ASAH2: variants seen among roughly 807,000 people sequenced by gnomAD.
The protein encoded by ASAH2 is N-acylsphingosine amidohydrolase 2.
A neutral mutation model predicts 82.9 loss-of-function variants in ASAH2; 58 were observed. The observed-to-expected ratio is 0.70, with a 90% CI of 0.57 to 0.87. The LOEUF is 0.87. Among genes scored for constraint, ASAH2 ranks in the 40% least tolerant of loss-of-function variants. ASAH2 has a pLI of 0.00. For synonymous variants in ASAH2, 276 were observed against 289.7 expected (o/e 0.95, Z 0.48); for missense variants, 779 against 834.0 (o/e 0.93, Z 0.81).
intron 3 of ASAH2, 109 bp downstream of exon 3, chr10:50,245,113 G>T (rs1745170967): frequency 3.0e-6 from 3 of 1,006,878 alleles, no homozygotes; most frequent in Non-Finnish European, 4.5e-6. Context: ...CAATTAAAAA[G>T]CTAAAAGAAG....
At position 50,247,086 on chromosome 10, in the gene ASAH2, TTAA is replaced by T. The variant is rs371784084; in HGVS notation, c.127+1395_127+1397del. Among the ~76,000 whole-genome samples, 48 of 152,338 alleles carry T rather than the reference TTAA, an allele frequency of 3.2e-4. 2 individuals are homozygous for T. The highest frequency in any genetic ancestry group is 1.1e-3 in the African/African-American group (47 of 41,580). ...ACTGCCATAAGAATAGTTGCTGTAA[TTAA>T]TAATAACCTCCCTGAGTCTCAGCCT... On this transcript the variant is annotated intron_variant, in intron 2 of 20. Coordinates refer to ENST00000682911, the MANE Select transcript of ASAH2 (RefSeq NM_019893.4).
intron 1 of ASAH2, among the ~76,000 whole-genome samples, chr10:50,249,443 G>A (rs1284443964): frequency 6.6e-6 from 1 of 152,140 alleles, no homozygotes; most frequent in East Asian, 1.9e-4. Flanking sequence ...CCCATATAAT[G>A]TAATAGAAAG....
chr10:50,217,613 A>T (rs1845640092), intron 8 of ASAH2, among the ~76,000 whole-genome samples: 2 of 152,324 alleles, frequency 1.3e-5, no homozygotes, highest in South Asian at 4.1e-4. Context: ...GGCCCTCACC[A>T]GATGGAGTTG....
At chr10:50,214,905 C>T (rs1349037560) in intron 8 of ASAH2, 37 bp from the exon 9 acceptor site, 3 of 1,611,390 alleles carry the variant, frequency 1.9e-6, no homozygotes, top group Non-Finnish European at 2.5e-6. Flanking sequence ...TTTATTCTTT[C>T]CTATTTCCTG....
At chr10:50,224,744 C>T (rs1028516830) in intron 7 of ASAH2, among the ~76,000 whole-genome samples, 2 of 152,138 alleles carry the variant, frequency 1.3e-5, no homozygotes, top group African/African-American at 4.8e-5. Flanking sequence ...TAATTACCTT[C>T]ACACCCTCGT....
intron 7 of ASAH2, among the ~76,000 whole-genome samples, chr10:50,221,670 TAGATGATA>T (rs1350640155): frequency 2.0e-4 from 29 of 147,368 alleles, no homozygotes; most frequent in East Asian, 1.0e-3. Flanking sequence ...TATAGATAGA[TAGATGATA>T]GATAGATAGA....
At position 50,233,355 on chromosome 10, in the gene ASAH2, G is replaced by A. The variant is rs1846063762; in HGVS notation, c.816-94C>T. 3.5e-6 allele frequency: 3 copies of A among 866,942 alleles called. No individual in the cohort carries two copies. In the African/African-American group the frequency reaches 5.0e-5, roughly 14 times the overall value. 53.7% of individuals were successfully genotyped at this position (866,942 alleles called of 1,614,324 possible). On this transcript the variant is annotated intron_variant, in intron 6 of 20. Coordinates refer to ENST00000682911, the MANE Select transcript of ASAH2 (RefSeq NM_019893.4). ...TAGCAGCTGACACAAAAACAAAAAT[G>A]CCTCTCAGTAAGTGAGATGTCTTGA... is the stretch of plus-strand genomic sequence containing the variant.
chr10:50,227,536 T>C (rs1045443874), intron 7 of ASAH2, among the ~76,000 whole-genome samples: 7 of 152,110 alleles, frequency 4.6e-5, no homozygotes, highest in African/African-American at 1.7e-4. Flanking sequence ...TGATTCGAGG[T>C]AGTATAATTT....
intron 12 of ASAH2, among the ~76,000 whole-genome samples, chr10:50,206,532 T>A (rs900836092): frequency 1.8e-3 from 99 of 54,224 alleles, no homozygotes; most frequent in African/African-American, 4.8e-3. Flanking sequence ...CTGAATTTAG[T>A]TATCTACACA....
At chr10:50,240,174 A>T (rs1350149094) in intron 4 of ASAH2, among the ~76,000 whole-genome samples, 3 of 152,156 alleles carry the variant, frequency 2.0e-5, no homozygotes, top group African/African-American at 7.2e-5. Context: ...TCTCACTGCC[A>T]TCACATTGGT....
intron 7 of ASAH2, among the ~76,000 whole-genome samples, chr10:50,232,734 G>A (rs1846050218): frequency 6.6e-6 from 1 of 151,972 alleles, no homozygotes; most frequent in Admixed American, 6.6e-5. Flanking sequence ...GTCCTGCATT[G>A]GACTTAATCC....
intron 12 of ASAH2, among the ~76,000 whole-genome samples, chr10:50,207,228 G>A (rs1845324021): frequency 6.6e-5 from 10 of 151,752 alleles, no homozygotes; most frequent in Non-Finnish European, 1.5e-5. Context: ...TAAGAAAGAA[G>A]AAAAATCTCA....
rs1846549554 is a variant in ASAH2, at chr10:50,249,088, C to CTT, written c.-36-443_-36-442insAA. 3.3e-5 allele frequency among the ~76,000 whole-genome samples: 5 copies of CTT among 152,170 alleles called. No homozygotes were observed. In the South Asian group the frequency reaches 1.0e-3, roughly 31 times the overall value. ...GGGAGAAGGCTGGCTGGGGTTAGGA[C>CTT]AGTACTCTGTGGTCATGGACTTAGT... On this transcript the variant is annotated intron_variant, in intron 1 of 20. Coordinates refer to ENST00000682911, the MANE Select transcript of ASAH2 (RefSeq NM_019893.4).
At position 50,186,429 on chromosome 10, in the gene ASAH2, C is replaced by T. The variant is rs1844746029; in HGVS notation, c.*886G>A. ...ACCTCTGCTTTGAGGAGTGCTTTCC[C>T]AGCCAGTAATATTTTTAATATCTAC... On this transcript the variant is annotated 3_prime_UTR_variant, in exon 21 of 21. Coordinates refer to ENST00000682911, the MANE Select transcript of ASAH2 (RefSeq NM_019893.4). 1 of 50,918 alleles carries T rather than the reference C, an allele frequency of 2.0e-5. No individual in the cohort carries two copies. The highest frequency in any genetic ancestry group is 4.4e-5 in the African/African-American group (1 of 22,676). The allele number at this position is 50,918 out of a possible 1,614,324, so 3.2% of individuals were successfully genotyped here.
rs926356396 is a variant in ASAH2 at position 50,199,156 on chromosome 10, A to C, written c.1762-10T>G. 3.7e-6 allele frequency: 6 copies of C among 1,612,910 alleles called. No homozygotes were observed. In the African/African-American group the frequency reaches 8.0e-5, roughly 22 times the overall value. On this transcript the variant is annotated splice_polypyrimidine_tract_variant and intron_variant, in intron 16 of 20. Transcript: ENST00000682911. ...CCTCATATCGCTGAGCCTGCAGGAAAGGCAGGGAGAGTTGTATATGGTTCT... is the reference window on the plus strand; with the variant it reads ...CCTCATATCGCTGAGCCTGCAGGAACGGCAGGGAGAGTTGTATATGGTTCT...
intron 12 of ASAH2, among the ~76,000 whole-genome samples, chr10:50,206,323 G>A (rs570601336): frequency 9.2e-5 from 14 of 151,888 alleles, no homozygotes; most frequent in South Asian, 4.2e-4. Flanking sequence ...TCAAGAGAAC[G>A]ACAGAGTATA....
At chr10:50,232,204 A>G (rs968802427) in intron 7 of ASAH2, among the ~76,000 whole-genome samples, 1 of 152,140 alleles carries the variant, frequency 6.6e-6, no homozygotes, top group African/African-American at 2.4e-5. Context: ...TGCAAGTTTT[A>G]TTCACATAGC....
intron 7 of ASAH2, among the ~76,000 whole-genome samples, chr10:50,221,951 C>T (rs1054128131): frequency 1.1e-4 from 16 of 152,084 alleles, no homozygotes; most frequent in South Asian, 2.1e-4. Context: ...GGAAGAGCTA[C>T]GCAAAGGAAT....
At chr10:50,203,596 A>C in intron 15 of ASAH2, 44 bp downstream of exon 15, 1 of 1,572,380 alleles carries the variant, frequency 6.4e-7, no homozygotes, top group Non-Finnish European at 8.8e-7. Flanking sequence ...TTTCCTCTTC[A>C]CCAAACATGA....
Sources: allele counts gnomAD v4.1 joint callset (sites outside exome capture counted in the v4.1 genomes callset), GRCh38; gene constraint gnomAD v4.1.1; transcripts MANE v1.5; gene names NCBI Gene and HGNC (gene_info 2026-07-23, HGNC 2026-07-21).